Variants in DPP6 observed in about 807,000 individuals in gnomAD.
DPP6 encodes A-type potassium channel modulatory protein DPP6.
DPP6 carries 69 observed loss-of-function variants against 122.6 expected under a neutral mutation model. The ratio of observed to expected loss-of-function variants is 0.56; its 90% CI spans 0.46 to 0.69. DPP6 has a LOEUF of 0.69. Among genes scored for constraint, DPP6 ranks in the 30% least tolerant of loss-of-function variants. The pLI, the probability that DPP6 is intolerant of heterozygous loss-of-function variation, is 0.00. For synonymous variants in DPP6, 418 were observed against 433.1 expected (o/e 0.97, Z 0.43); for missense variants, 928 against 1,116.9 (o/e 0.83, Z 2.41).
chr7:154,417,006 ACAAAAAGTCTATTACAACCCATGT>A (rs1415443374), intron 1 of DPP6, among the ~76,000 whole-genome samples: 2 of 152,196 alleles, frequency 1.3e-5, no homozygotes, highest in Non-Finnish European at 2.9e-5. Context: ...TTGGTTCTAG[ACAAAAAGTCTATTACAACCCATGT>A]CAAGCTGTGA....
At chr7:153,763,496 G>C in the DPP6 span, among the ~76,000 whole-genome samples, 1 of 151,950 alleles carries the variant, frequency 6.6e-6, no homozygotes, top group Non-Finnish European at 1.5e-5. Flanking sequence ...GAATTTGTCA[G>C]AAAAATAGAG....
chr7:153,963,474 G>A (rs766794591), intron 1 of DPP6, among the ~76,000 whole-genome samples: 1 of 146,876 alleles, frequency 6.8e-6, no homozygotes, highest in Non-Finnish European at 1.5e-5. Context: ...GCTTCAAGAG[G>A]CCACCATCTG....
At chr7:154,736,085 G>A (rs781417931) in intron 8 of DPP6, among the ~76,000 whole-genome samples, 1 of 152,222 alleles carries the variant, frequency 6.6e-6, no homozygotes, top group Non-Finnish European at 1.5e-5. Context: ...CTGTTTCTGC[G>A]ATCATGGGCA....
intron 1 of DPP6, among the ~76,000 whole-genome samples, chr7:154,244,951 C>CTTTTT (rs745446498): frequency 4.7e-4 from 63 of 133,206 alleles, no homozygotes; most frequent in African/African-American, 1.6e-3. Context: ...TCTAAAGGGA[C>CTTTTT]TTTTTTTTTT....
At chr7:154,303,949 G>C (rs1424714503) in intron 1 of DPP6, among the ~76,000 whole-genome samples, 3 of 152,178 alleles carry the variant, frequency 2.0e-5, no homozygotes, top group Non-Finnish European at 4.4e-5. Flanking sequence ...CATTGGAAAG[G>C]GGCTGAACAA....
intron 6 of DPP6, among the ~76,000 whole-genome samples, chr7:154,652,879 A>G (rs1015883941): frequency 1.3e-5 from 2 of 152,170 alleles, no homozygotes; most frequent in Admixed American, 1.3e-4. Context: ...TTCAGAAAGT[A>G]AAAAACATGG....
chr7:153,792,481 C>A, the DPP6 span, among the ~76,000 whole-genome samples: 3 of 152,078 alleles, frequency 2.0e-5, no homozygotes, highest in Non-Finnish European at 4.4e-5. Context: ...CCATTTGGGC[C>A]TGTAGTTTTC....
In DPP6 at chr7:154,173,233, G is replaced by A. The variant is rs572039101; in HGVS notation, c.243+120170G>A. 2.0e-5 allele frequency among the ~76,000 whole-genome samples: 3 copies of A among 152,326 alleles called. No homozygotes were observed. The East Asian group carries it at 5.8e-4, about 29-fold the overall frequency. ...ACAAAAATGGTTTCTGACTGTGCCA[G>A]CGTGGGACGAATGAGACTCATCACA... is the stretch of plus-strand genomic sequence containing the variant. On this transcript the variant is annotated intron_variant, in intron 1 of 25. Transcript: ENST00000377770.
At chr7:153,871,935 C>T in the DPP6 span, among the ~76,000 whole-genome samples, 143 of 152,302 alleles carry the variant, frequency 9.4e-4, no homozygotes, top group African/African-American at 3.0e-3. Flanking sequence ...CAGCAAACAC[C>T]GCTGCGAATA....
At chr7:154,622,771 G>A (rs963440041) in intron 5 of DPP6, among the ~76,000 whole-genome samples, 2 of 152,188 alleles carry the variant, frequency 1.3e-5, no homozygotes, top group Non-Finnish European at 2.9e-5. Context: ...TTAAAGTACA[G>A]CACACATGGA....
At chr7:154,867,003 G>T (rs1389467678) in intron 17 of DPP6, among the ~76,000 whole-genome samples, 3 of 151,118 alleles carry the variant, frequency 2.0e-5, no homozygotes, top group East Asian at 1.9e-4. Context: ...TTTTTTCAAG[G>T]GAGTTATATG....
intron 1 of DPP6, among the ~76,000 whole-genome samples, chr7:154,032,025 CTA>C (rs1419909183): frequency 7.5e-6 from 1 of 133,432 alleles, no homozygotes; most frequent in African/African-American, 3.4e-5. Context: ...TCACACCCGC[CTA>C]TTTTTTTTTT....
chr7:154,286,991 CA>C (rs1338131672), intron 1 of DPP6, among the ~76,000 whole-genome samples: 1 of 152,056 alleles, frequency 6.6e-6, no homozygotes, highest in Non-Finnish European at 1.5e-5. Flanking sequence ...TTAGTAGAGA[CA>C]GGGGTTCACC....
intron 1 of DPP6, among the ~76,000 whole-genome samples, chr7:153,928,395 C>CTTTTTTTTTTTTTTTT (rs1467865041): frequency 2.1e-3 from 62 of 29,964 alleles, no homozygotes; most frequent in Non-Finnish European, 3.1e-3. Flanking sequence ...TCTTTTCTTT[C>CTTTTTTTTTTTTTTTT]ATTTTTTTTT....
At chr7:154,545,586 G>A (rs1401205739) in intron 4 of DPP6, among the ~76,000 whole-genome samples, 1 of 151,452 alleles carries the variant, frequency 6.6e-6, no homozygotes, top group Non-Finnish European at 1.5e-5. Flanking sequence ...ATTTCTTGGG[G>A]ACTTAATTCT....
At chr7:154,378,591 AAG>A (rs150371811) in intron 1 of DPP6, among the ~76,000 whole-genome samples, 3,562 of 152,266 alleles carry the variant, frequency 0.023, 145 homozygotes, top group African/African-American at 0.081. Flanking sequence ...ACATGTCAGA[AAG>A]AGAGAGAGAA....
At chr7:154,221,908 T>C (rs1800329062) in intron 1 of DPP6, among the ~76,000 whole-genome samples, 1 of 152,174 alleles carries the variant, frequency 6.6e-6, no homozygotes, top group Non-Finnish European at 1.5e-5. Context: ...GGCATATTAA[T>C]TCATGGTAAA....
intron 1 of DPP6, among the ~76,000 whole-genome samples, chr7:154,036,849 C>T (rs1372909666): frequency 6.6e-6 from 1 of 152,176 alleles, no homozygotes. Context: ...GTCTGCACCA[C>T]TCATCCATAA....
chr7:154,518,659 A>G (rs112578922), intron 3 of DPP6, among the ~76,000 whole-genome samples: 27 of 152,262 alleles, frequency 1.8e-4, no homozygotes, highest in African/African-American at 4.8e-4. Flanking sequence ...AAGTATTCCC[A>G]TAGGCCTTGT....
Sources: allele counts gnomAD v4.1 joint callset (sites outside exome capture counted in the v4.1 genomes callset), GRCh38; gene constraint gnomAD v4.1.1; transcripts MANE v1.5; gene names NCBI Gene and HGNC (gene_info 2026-07-23, HGNC 2026-07-21).